The following ROBO2 variants were observed in gnomAD, a reference collection of about 807,000 sequenced individuals.
The protein encoded by ROBO2 is roundabout homolog 2.
A neutral mutation model predicts 160.8 loss-of-function variants in ROBO2; 53 were observed. The observed-to-expected ratio is 0.33, with a 90% CI of 0.26 to 0.41. The LOEUF is 0.41. ROBO2 is among the 10% of genes least tolerant of loss of function. The probability of loss-of-function intolerance (pLI) is 1.00; values close to 1 mark genes in which losing one functional copy is unlikely to be tolerated. For missense variants in ROBO2, 1,577 were observed against 1,722.4 expected (o/e 0.92, Z 1.49); for synonymous variants, 664 against 611.7 (o/e 1.09, Z -1.26).
rs900373213 is a variant in ROBO2 at position 77,487,063 on chromosome 3, T to C, written c.667+5844T>C. On this transcript the variant is annotated intron_variant, in intron 4 of 25. Transcript: ENST00000461745. The stretch of plus-strand genomic sequence containing the variant: ...AGAGATTGGGGTTGATGATACTGGT[T>C]TTCAGTCTTTGAATGAGAGATAATA... 2.0e-5 allele frequency among the ~76,000 whole-genome samples: 3 copies of C among 152,172 alleles called. No homozygotes were observed. The South Asian group carries it at 6.2e-4, about 31-fold the overall frequency.
At chr3:76,603,406 T>G (rs2087393263) in intron 2 of ROBO2, among the ~76,000 whole-genome samples, 1 of 130,036 alleles carries the variant, frequency 7.7e-6, no homozygotes, top group Non-Finnish European at 1.6e-5. Flanking sequence ...ATATGGACAT[T>G]TCTTCTTTTT....
intron 2 of ROBO2, among the ~76,000 whole-genome samples, chr3:76,420,168 T>C (rs2075931185): frequency 6.6e-6 from 1 of 152,164 alleles, no homozygotes; most frequent in South Asian, 2.1e-4. Flanking sequence ...AATCCTTGAA[T>C]ATTATCATTA....
chr3:76,460,939 GA>G (rs1347041131), intron 2 of ROBO2, among the ~76,000 whole-genome samples: 3 of 152,206 alleles, frequency 2.0e-5, no homozygotes, highest in Admixed American at 1.3e-4. Flanking sequence ...CTATGGAAAA[GA>G]ATAGACAATA....
chr3:77,323,000 T>TTATGGATAATA (rs1560532688), intron 2 of ROBO2, among the ~76,000 whole-genome samples: 1 of 576 alleles, frequency 1.7e-3, no homozygotes, highest in African/African-American at 2.9e-3. Context: ...ATATAATATA[T>TTATGGATAATA]TATATTATAT....
intron 2 of ROBO2, among the ~76,000 whole-genome samples, chr3:76,702,423 A>C (rs949911913): frequency 2.0e-5 from 3 of 152,032 alleles, no homozygotes; most frequent in African/African-American, 7.2e-5. Context: ...CATAGGGGGA[A>C]AAATCAATTG....
chr3:76,188,878 C>T (rs1701881451), intron 2 of ROBO2, among the ~76,000 whole-genome samples: 1 of 151,872 alleles, frequency 6.6e-6, no homozygotes. Context: ...AATAAAGATA[C>T]AGTGTTGGAG....
chr3:76,110,218 T>C (rs2070163368), intron 2 of ROBO2, among the ~76,000 whole-genome samples: 1 of 152,048 alleles, frequency 6.6e-6, no homozygotes, highest in African/African-American at 2.4e-5. Context: ...GTAGACGTGA[T>C]GGCAAACCTT....
intron 2 of ROBO2, among the ~76,000 whole-genome samples, chr3:76,318,303 A>C (rs1229071584): frequency 6.6e-6 from 1 of 152,042 alleles, no homozygotes; most frequent in African/African-American, 2.4e-5. Context: ...CGATGTTGGG[A>C]AGCGTATGTT....
At chr3:76,732,675 C>G (rs2093654385) in intron 2 of ROBO2, among the ~76,000 whole-genome samples, 1 of 152,072 alleles carries the variant, frequency 6.6e-6, no homozygotes, top group Non-Finnish European at 1.5e-5. Context: ...GAAAGGAACA[C>G]AAGCATTAGT....
chr3:77,140,993 T>C (rs976734677), intron 2 of ROBO2, among the ~76,000 whole-genome samples: 1 of 152,166 alleles, frequency 6.6e-6, no homozygotes, highest in African/African-American at 2.4e-5. Flanking sequence ...TACTTACAAG[T>C]ATGCTGTGAT....
At chr3:76,856,536 C>T (rs1483916560) in intron 2 of ROBO2, among the ~76,000 whole-genome samples, 5 of 152,280 alleles carry the variant, frequency 3.3e-5, no homozygotes, top group African/African-American at 1.2e-4. Context: ...TAGCCTTCTT[C>T]ATCTACCCTG....
At chr3:77,165,002 C>T (rs1400263151) in intron 2 of ROBO2, among the ~76,000 whole-genome samples, 2 of 149,734 alleles carry the variant, frequency 1.3e-5, no homozygotes, top group Non-Finnish European at 3.0e-5. Flanking sequence ...CTCTGCCCGG[C>T]GGCCCTTACT....
chr3:77,460,302 G>A (rs200489731), intron 2 of ROBO2, among the ~76,000 whole-genome samples: 3 of 152,134 alleles, frequency 2.0e-5, no homozygotes, highest in African/African-American at 7.2e-5. Flanking sequence ...AGGGAAGATT[G>A]CGGAAATAAA....
At chr3:76,636,121 T>TC in intron 2 of ROBO2, among the ~76,000 whole-genome samples, 1 of 152,208 alleles carries the variant, frequency 6.6e-6, no homozygotes, top group Non-Finnish European at 1.5e-5. Context: ...TTATACATAA[T>TC]ATTATGTATT....
intron 2 of ROBO2, among the ~76,000 whole-genome samples, chr3:76,678,308 A>G (rs903500569): frequency 6.6e-6 from 1 of 151,966 alleles, no homozygotes; most frequent in African/African-American, 2.4e-5. Flanking sequence ...TTTCTTCTTC[A>G]TTTATTCATA....
chr3:77,571,203 C>G (rs1242788819), intron 13 of ROBO2, among the ~76,000 whole-genome samples: 1 of 151,990 alleles, frequency 6.6e-6, no homozygotes, highest in Non-Finnish European at 1.5e-5. Flanking sequence ...AAAACCAGAT[C>G]AGACCCTTAG....
chr3:76,728,705 A>C (rs2093589314), intron 2 of ROBO2, among the ~76,000 whole-genome samples: 1 of 152,236 alleles, frequency 6.6e-6, no homozygotes, highest in Non-Finnish European at 1.5e-5. Flanking sequence ...CCTGCAACCT[A>C]CAGTCCAGTC....
intron 2 of ROBO2, among the ~76,000 whole-genome samples, chr3:76,336,728 T>G (rs139947706): frequency 0.02 from 3,073 of 152,286 alleles, 91 homozygotes; most frequent in African/African-American, 0.07. Context: ...AATGGCTAAT[T>G]TATTTTAAAA....
intron 2 of ROBO2, among the ~76,000 whole-genome samples, chr3:77,270,306 C>T (rs2059405752): frequency 6.6e-6 from 1 of 152,180 alleles, no homozygotes; most frequent in Non-Finnish European, 1.5e-5. Context: ...GTAAGTAAGA[C>T]TCTGCCACAT....
Sources: allele counts gnomAD v4.1 joint callset (sites outside exome capture counted in the v4.1 genomes callset), GRCh38; gene constraint gnomAD v4.1.1; transcripts MANE v1.5; gene names NCBI Gene and HGNC (gene_info 2026-07-23, HGNC 2026-07-21).